The following DST variants were observed in gnomAD, a reference collection of about 807,000 sequenced individuals.
DST encodes the protein dystonin.
Under a neutral mutation model 875.2 loss-of-function variants are expected in DST, and 253 were observed. The ratio of observed to expected loss-of-function variants is 0.29; its 90% CI spans 0.26 to 0.32. DST has a LOEUF of 0.32. Among genes scored for constraint, DST ranks in the 10% least tolerant of loss-of-function variants. DST has a pLI of 1.00. For missense variants in DST, 8,287 were observed against 9,111.6 expected, an observed-to-expected ratio of 0.91 and a Z score of 3.68; for synonymous variants, 3,124 against 3,197.1, an observed-to-expected ratio of 0.98 and a Z score of 0.77.
Position 56,530,099 on chromosome 6 carries a change from G to A in DST, c.17143C>T (p.Gln5715Ter). ...GGTTCTAAGGTTTCATGAAATTGCT[G>A]TGCTACCACCGAGATACCTTCCAAC... ...RQLEGISVVA[Q>*]QFHETLEPLN... Residue 5715 changes from glutamine to a stop codon, truncating the protein, a stop_gained, in exon 65 of 104, where the codon CAG (glutamine) becomes TAG (stop). Transcript: ENST00000680361. LOFTEE classifies it high-confidence loss of function. The A allele has an allele frequency of 6.7e-7, 1 of 1,483,100 alleles. No homozygotes were observed. Among genetic ancestry groups the A allele is most frequent in the South Asian group, 1.4e-5 (1 of 69,826 alleles). 91.9% of individuals were successfully genotyped at this position (1,483,100 alleles called of 1,614,324 possible). A position where few individuals can be genotyped will look rare whatever the true frequency, so the allele number is the denominator to read the frequency against.
At chr6:56,751,203 A>T (rs899825471) in intron 4 of DST, among the ~76,000 whole-genome samples, 8 of 152,210 alleles carry the variant, frequency 5.3e-5, no homozygotes, top group African/African-American at 1.9e-4. Flanking sequence ...ACTAGTAGAA[A>T]AACATCCTAA....
intron 102 of DST, chr6:56,461,640 C>T (rs1384116862): frequency 1.3e-5 from 2 of 152,284 alleles, no homozygotes; most frequent in Non-Finnish European, 2.9e-5. Context: ...TGAAATGAAA[C>T]ACAGTTTTGC....
At chr6:56,759,063 T>C (rs2099611022) in intron 4 of DST, among the ~76,000 whole-genome samples, 1 of 152,228 alleles carries the variant, frequency 6.6e-6, no homozygotes, top group African/African-American at 2.4e-5. Flanking sequence ...TCTCGACTGC[T>C]ACATAAGTGG....
chr6:56,742,250 A>AGTAT lies in DST; in HGVS notation c.626-6965_626-6962dup, dbSNP rs1255143826. Reference sequence around the variant, plus strand: ...CCAGTTCTGAAAACATGAAAGTGATAGTATATGTGATACTACTAACCCATA... The same window carrying AGTAT: ...CCAGTTCTGAAAACATGAAAGTGATAGTATGTATATGTGATACTACTAACCCATA... On this transcript the variant is annotated intron_variant, in intron 4 of 103. Coordinates refer to ENST00000680361, the MANE Select transcript of DST (RefSeq NM_001374736.1). The AGTAT allele has an allele frequency of 4.0e-6, 5 of 1,251,892 alleles. No homozygotes were observed. In the African/African-American group the frequency reaches 7.7e-5, roughly 19 times the overall value. The allele number at this position is 1,251,892 out of a possible 1,614,324, so 77.5% of individuals were successfully genotyped here.
At chr6:56,902,021 C>T (rs1794365445) in intron 2 of DST, among the ~76,000 whole-genome samples, 1 of 152,118 alleles carries the variant, frequency 6.6e-6, no homozygotes, top group Non-Finnish European at 1.5e-5. Context: ...ATGAATGAAG[C>T]TGAGTATAGT....
chr6:56,529,933 A>T, intron 65 of DST, 41 bp downstream of exon 65: 2 of 1,606,424 alleles, frequency 1.2e-6, no homozygotes, highest in Non-Finnish European at 1.7e-6. Flanking sequence ...AAAACCACAC[A>T]ATAAAAACTG....
rs868737963 is a variant in DST at position 56,606,658 on chromosome 6, A to T, written c.7970T>A (p.Val2657Asp). ...ENDETASPAD[V>D]FYDVSKENEN... is the part of the protein sequence containing the mutation. ...ATTCTCTTTTGAGACATCATAAAAA[A>T]CATCAGCAGGAGAAGCCGTCTCATC... The change falls in exon 40 of 104, where the codon GTT becomes GAT. Residue 2657 changes from valine to aspartate, a missense_variant. Val to Asp is a radical substitution (Grantham distance 152, BLOSUM62 -3). Coordinates refer to ENST00000680361, the MANE Select transcript of DST (RefSeq NM_001374736.1). The T allele has an allele frequency of 1.1e-5, 18 of 1,613,590 alleles. No homozygotes were observed. Among genetic ancestry groups the T allele is most frequent in the African/African-American group, 1.3e-5 (1 of 75,010 alleles).
intron 43 of DST, 59 bp from the exon 44 acceptor site, chr6:56,601,735 T>G (rs1163393594): frequency 2.0e-6 from 2 of 975,974 alleles, no homozygotes; most frequent in Non-Finnish European, 3.0e-6. Flanking sequence ...AAATTTATAT[T>G]AACAATAATA....
chr6:56,594,297 G>T, intron 47 of DST, 104 bp from the exon 48 acceptor site: 1 of 860,416 alleles, frequency 1.2e-6, no homozygotes, highest in Non-Finnish European at 1.7e-6. Context: ...GATCTACAGG[G>T]CTACAACTTG....
At chr6:56,943,514 C>T (rs917614112) in intron 2 of DST, among the ~76,000 whole-genome samples, 1 of 151,068 alleles carries the variant, frequency 6.6e-6, no homozygotes, top group African/African-American at 2.4e-5. Flanking sequence ...CTCACCGTAA[C>T]CTCCACCTCC....
At chr6:56,694,937 G>A (rs1474350448) in intron 9 of DST, among the ~76,000 whole-genome samples, 2 of 151,902 alleles carry the variant, frequency 1.3e-5, no homozygotes, top group African/African-American at 4.8e-5. Context: ...GACCAGCCTG[G>A]CCAACATGGT....
intron 88 of DST, chr6:56,484,009 T>A (rs2095487001): frequency 6.6e-6 from 1 of 152,188 alleles, no homozygotes; most frequent in African/African-American, 2.4e-5. Flanking sequence ...CAGAAGACTT[T>A]CCAAAGCATT....
At chr6:56,653,685 C>CA (rs1302598988) in intron 10 of DST, among the ~76,000 whole-genome samples, 1 of 151,746 alleles carries the variant, frequency 6.6e-6, no homozygotes, top group Non-Finnish European at 1.5e-5. Flanking sequence ...AACTCCATCT[C>CA]AAAAAAACAC....
chr6:56,527,275 A>C (rs2096820439), intron 68 of DST, among the ~76,000 whole-genome samples: 1 of 152,134 alleles, frequency 6.6e-6, no homozygotes, highest in Non-Finnish European at 1.5e-5. Flanking sequence ...TATACTCCCA[A>C]ATATAAGACT....
At chr6:56,825,983 T>C (rs1454456359) in intron 4 of DST, among the ~76,000 whole-genome samples, 2 of 152,224 alleles carry the variant, frequency 1.3e-5, no homozygotes, top group Non-Finnish European at 2.9e-5. Context: ...CTATATATAA[T>C]TTATTAAATA....
chr6:56,938,659 T>C (rs903584404), intron 2 of DST, among the ~76,000 whole-genome samples: 1 of 152,214 alleles, frequency 6.6e-6, no homozygotes, highest in Non-Finnish European at 1.5e-5. Flanking sequence ...GACTCTTCTC[T>C]ACCCACTGTG....
intron 4 of DST, among the ~76,000 whole-genome samples, chr6:56,840,063 T>C (rs2099798176): frequency 1.3e-5 from 2 of 152,234 alleles, no homozygotes; most frequent in Admixed American, 1.3e-4. Context: ...TGTAACATTT[T>C]AAAATTACAT....
intron 49 of DST, among the ~76,000 whole-genome samples, 170 bp from the exon 50 acceptor site, chr6:56,579,107 T>C (rs921416703): frequency 2.0e-5 from 3 of 152,242 alleles, no homozygotes; most frequent in African/African-American, 7.2e-5. Flanking sequence ...AGGCCAGTTA[T>C]AAAGCAGCAT....
chr6:56,709,655 G>A (rs191041529), intron 5 of DST, among the ~76,000 whole-genome samples: 17 of 152,220 alleles, frequency 1.1e-4, no homozygotes, highest in South Asian at 4.2e-4. Context: ...GCATTCATCC[G>A]TCATATGCCA....
Sources: gnomAD v4.1 joint callset for allele counts (sites outside exome capture counted in the v4.1 genomes callset) on GRCh38, gnomAD v4.1.1 for gene constraint, MANE v1.5 for transcripts, NCBI Gene and HGNC (gene_info 2026-07-23, HGNC 2026-07-21) for gene names.